LGR4: variants seen among roughly 807,000 people sequenced by gnomAD.
The protein encoded by LGR4 is leucine-rich repeat-containing G protein-coupled receptor 4.
A neutral mutation model predicts 84.8 loss-of-function variants in LGR4; 44 were observed. The ratio of observed to expected loss-of-function variants is 0.52; its 90% CI spans 0.41 to 0.67. LGR4 has a LOEUF of 0.67. LGR4 is among the 30% of genes least tolerant of loss of function. LGR4 has a pLI of 0.00. For missense variants in LGR4, 1,032 were observed against 1,131.4 expected (o/e 0.91, Z 1.26); for synonymous variants, 429 against 434.3 (o/e 0.99, Z 0.15).
At chr11:27,378,479 T>C (rs1218636994) in intron 11 of LGR4, among the ~76,000 whole-genome samples, 2 of 152,140 alleles carry the variant, frequency 1.3e-5, no homozygotes, top group Non-Finnish European at 2.9e-5. Flanking sequence ...TTGTTCAAAA[T>C]AAAGTCACAA....
At chr11:27,386,572 G>C (rs1161753053) in intron 4 of LGR4, among the ~76,000 whole-genome samples, 1 of 152,156 alleles carries the variant, frequency 6.6e-6, no homozygotes, top group Non-Finnish European at 1.5e-5. Context: ...GTTTTAGAGT[G>C]GTTTTTGTGC....
At chr11:27,452,160 C>T (rs1864492473) in intron 1 of LGR4, among the ~76,000 whole-genome samples, 1 of 152,150 alleles carries the variant, frequency 6.6e-6, no homozygotes. Context: ...GTCATCTTAC[C>T]TCAGAGACTC....
At position 27,368,728 on chromosome 11, in the gene LGR4, A is replaced by G. The variant is rs752436155; in HGVS notation, c.1995T>C (p.Ala665=). Residue 665 remains alanine (A), a synonymous_variant, in exon 18 of 18, where the codon GCT becomes GCC. Transcript: ENST00000379214. ...KSNHLKQFRV[A]ALLAFLGATV... is the part of the protein sequence containing the mutation. The stretch of plus-strand genomic sequence containing the variant: ...TAGCACCTAGGAAAGCCAAAAGGGC[A>G]GCAACCCGGAACTGTTTGAGATGAT... 9.9e-6 allele frequency: 16 copies of G among 1,613,656 alleles called. No individual in the cohort carries two copies. Among genetic ancestry groups the G allele is most frequent in the African/African-American group, 1.3e-5 (1 of 74,904 alleles).
chr11:27,435,189 TGG>T, intron 1 of LGR4, among the ~76,000 whole-genome samples: 1 of 151,824 alleles, frequency 6.6e-6, no homozygotes, highest in Admixed American at 6.6e-5. Flanking sequence ...ACAAATTAGC[TGG>T]GCATGGTGAC....
intron 1 of LGR4, among the ~76,000 whole-genome samples, chr11:27,462,718 C>G (rs1864704095): frequency 6.6e-6 from 1 of 152,058 alleles, no homozygotes; most frequent in Non-Finnish European, 1.5e-5. Flanking sequence ...AAAAGTCATG[C>G]TGAAGCGTTT....
At chr11:27,467,566 C>CAAAAAAAAAAAAAAAAAAAAAAAAA (rs761925670) in intron 1 of LGR4, among the ~76,000 whole-genome samples, 30 of 51,820 alleles carry the variant, frequency 5.8e-4, no homozygotes, top group African/African-American at 1.5e-3. Flanking sequence ...GAGTCCGTCT[C>CAAAAAAAAAAAAAAAAAAAAAAAAA]AAAAAAAAAA....
At chr11:27,376,167 G>C (rs1213610568) in intron 13 of LGR4, 132 bp downstream of exon 13, 2 of 600,378 alleles carry the variant, frequency 3.3e-6, no homozygotes, top group East Asian at 6.4e-5. Context: ...GTAGAGATGG[G>C]GTTTCACCAC....
rs1291471820 is a variant in LGR4 at position 27,472,102 on chromosome 11, C to G, written c.185+16G>C. 2.3e-6 allele frequency: 3 copies of G among 1,299,740 alleles called. No homozygotes were observed. The highest frequency in any genetic ancestry group is 2.9e-6 in the Non-Finnish European group (3 of 1,025,354). The allele number at this position is 1,299,740 out of a possible 1,614,324, so 80.5% of individuals were successfully genotyped here. On this transcript the variant is annotated intron_variant, in intron 1 of 17. Coordinates refer to ENST00000379214, the MANE Select transcript of LGR4 (RefSeq NM_018490.5). ...GTTTCCTCCCCCCCCCTCGCGTCCC[C>G]GCCGCCCGCACTCACAGCGCTTGGG...
chr11:27,463,286 A>C (rs1223975686), intron 1 of LGR4, among the ~76,000 whole-genome samples: 1 of 151,998 alleles, frequency 6.6e-6, no homozygotes, highest in Non-Finnish European at 1.5e-5. Flanking sequence ...ATAGTAACAT[A>C]AAAAGCTAGA....
At chr11:27,461,545 C>A (rs1015257282) in intron 1 of LGR4, among the ~76,000 whole-genome samples, 3 of 152,120 alleles carry the variant, frequency 2.0e-5, no homozygotes, top group Non-Finnish European at 4.4e-5. Flanking sequence ...CCACAGCCCA[C>A]AGGCCCCATG....
chr11:27,469,346 A>G (rs1357815344), intron 1 of LGR4, among the ~76,000 whole-genome samples: 1 of 152,184 alleles, frequency 6.6e-6, no homozygotes, highest in Non-Finnish European at 1.5e-5. Flanking sequence ...AATCTGGACA[A>G]AAGGCTAAGT....
intron 2 of LGR4, among the ~76,000 whole-genome samples, chr11:27,397,206 T>C: frequency 6.6e-6 from 1 of 152,180 alleles, no homozygotes; most frequent in Non-Finnish European, 1.5e-5. Context: ...TACCCACAAC[T>C]CTGCCCTCTA....
At chr11:27,397,096 T>C (rs1202678098) in intron 2 of LGR4, among the ~76,000 whole-genome samples, 1 of 152,108 alleles carries the variant, frequency 6.6e-6, no homozygotes, top group Non-Finnish European at 1.5e-5. Flanking sequence ...TCCCAAAGGC[T>C]CTCTTTTCCC....
intron 1 of LGR4, among the ~76,000 whole-genome samples, chr11:27,419,025 A>T (rs569656657): frequency 6.6e-6 from 1 of 152,132 alleles, no homozygotes; most frequent in East Asian, 1.9e-4. Context: ...ATTTGTAGAG[A>T]CCAGGTTTCA....
intron 1 of LGR4, among the ~76,000 whole-genome samples, chr11:27,417,694 A>G (rs1314199755): frequency 6.6e-6 from 1 of 152,192 alleles, no homozygotes; most frequent in Non-Finnish European, 1.5e-5. Flanking sequence ...CATCCACAAT[A>G]TCAACACCCA....
chr11:27,368,083 G>A lies in LGR4; in HGVS notation c.2640C>T (p.Ser880=), dbSNP rs760306441. Residue 880 remains serine, a synonymous_variant, in exon 18 of 18, where the codon AGC becomes AGT. Coordinates refer to ENST00000379214, the MANE Select transcript of LGR4 (RefSeq NM_018490.5). ...AAGAAGCCACTGCCAATGCAGGACA[G>A]CTGTGTGATTTTATCAAGTGTTTGC... ...VSCKHLIKSH[S]CPALAVASCQ... is the part of the protein sequence containing the mutation. 21 of 1,611,606 alleles carry A rather than the reference G, an allele frequency of 1.3e-5. No homozygotes were observed. In the South Asian group the frequency reaches 2.3e-4, roughly 18 times the overall value.
chr11:27,413,638 C>T (rs960840553), intron 1 of LGR4, among the ~76,000 whole-genome samples: 2 of 152,128 alleles, frequency 1.3e-5, no homozygotes, highest in South Asian at 2.1e-4. Context: ...TCCCAGCATG[C>T]GCTGGGGCAG....
intron 16 of LGR4, among the ~76,000 whole-genome samples, chr11:27,372,040 T>A (rs1054055528): frequency 6.6e-6 from 1 of 152,104 alleles, no homozygotes; most frequent in Admixed American, 6.6e-5. Context: ...AGTTTTAAAA[T>A]TTTTTATATA....
At chr11:27,371,346 A>C (rs976842408) in intron 17 of LGR4, among the ~76,000 whole-genome samples, 1 of 152,244 alleles carries the variant, frequency 6.6e-6, no homozygotes, top group Non-Finnish European at 1.5e-5. Context: ...AGGAGCATTA[A>C]GAAAGTGCCT....
Sources: allele counts gnomAD v4.1 joint callset (sites outside exome capture counted in the v4.1 genomes callset), GRCh38; gene constraint gnomAD v4.1.1; transcripts MANE v1.5; gene names NCBI Gene and HGNC (gene_info 2026-07-23, HGNC 2026-07-21).